Variants in PML observed in about 807,000 individuals in gnomAD.
PML encodes the protein PML nuclear body scaffold.
PML carries 28 observed loss-of-function variants against 65.2 expected under a neutral mutation model. That is an observed-to-expected ratio of 0.43 (90% CI 0.32 to 0.59). The LOEUF (loss-of-function observed/expected upper bound fraction) is 0.59, where lower values mean the gene tolerates loss of function less well. Among genes scored for constraint, PML ranks in the 20% least tolerant of loss-of-function variants. The probability of loss-of-function intolerance (pLI) is 0.08; values close to 1 mark genes in which losing one functional copy is unlikely to be tolerated. For missense variants in PML, 1,021 were observed against 1,203.4 expected, an observed-to-expected ratio of 0.85 and a Z score of 2.24; for synonymous variants, 500 against 508.8, an observed-to-expected ratio of 0.98 and a Z score of 0.23.
rs1437309164 is a variant in PML at position 74,022,798 on chromosome 15, C to T, written c.603-30C>T. 4.4e-6 allele frequency: 7 copies of T among 1,600,140 alleles called. No individual in the cohort carries two copies. The African/African-American group carries it at 6.7e-5, about 15-fold the overall frequency. On this transcript the variant is annotated intron_variant, in intron 2 of 8. Coordinates refer to ENST00000268058, the MANE Select transcript of PML (RefSeq NM_033238.3). ...TTAAGAGGAAAAAGTCAGGAGAGTC[C>T]TAACCCAGGCCAACCTTGTGTGTCC...
Position 73,998,126 on chromosome 15 carries a change from G to A in PML, c.252G>A (p.Ser84=), listed in dbSNP as rs369958078. The change falls in exon 2 of 9, where the codon TCG becomes TCA. Residue 84 remains serine, a synonymous_variant. Coordinates refer to ENST00000268058, the MANE Select transcript of PML (RefSeq NM_033238.3). ...HTLCSGCLEA[S]GMQCPICQAP... is the part of the protein sequence containing the mutation. ...TGTGCTCAGGATGCCTGGAGGCGTC[G>A]GGCATGCAGTGCCCCATCTGCCAGG... 57 of 1,613,930 alleles carry A rather than the reference G, an allele frequency of 3.5e-5. No homozygotes were observed. The highest frequency in any genetic ancestry group is 4.7e-5 in the Non-Finnish European group (56 of 1,180,032).
At chr15:74,009,643 A>G (rs2070227433) in intron 2 of PML, among the ~76,000 whole-genome samples, 1 of 152,262 alleles carries the variant, frequency 6.6e-6, no homozygotes, top group African/African-American at 2.4e-5. Context: ...CAGTGTCTTG[A>G]TCTGACACCC....
chr15:74,032,307 G>T (rs767980365), intron 4 of PML: 64 of 521,932 alleles, frequency 1.2e-4, no homozygotes, highest in Non-Finnish European at 1.7e-4. Context: ...TGAAACAGGA[G>T]AATTGCTCAA....
chr15:74,034,931 A>G, intron 7 of PML: 1 of 1,445,780 alleles, frequency 6.9e-7, no homozygotes, highest in Non-Finnish European at 9.0e-7. Context: ...GCCACAGGGC[A>G]GCTATATAGG....
chr15:74,002,238 TCA>T (rs1286541761), intron 2 of PML, among the ~76,000 whole-genome samples: 1 of 151,994 alleles, frequency 6.6e-6, no homozygotes, highest in African/African-American at 2.4e-5. Context: ...TTCCTTGGAC[TCA>T]CATATTCCTA....
intron 2 of PML, among the ~76,000 whole-genome samples, chr15:74,000,128 G>A (rs1192962444): frequency 6.6e-6 from 1 of 151,966 alleles, no homozygotes; most frequent in East Asian, 1.9e-4. Flanking sequence ...ACCATGCCCA[G>A]CCTTATACTA....
At position 74,035,817 on chromosome 15, in the gene PML, T is replaced by C. The variant is rs2071533884; in HGVS notation, c.1710+1287T>C. The C allele has an allele frequency of 6.2e-7, 1 of 1,614,004 alleles. No homozygotes were observed. Among genetic ancestry groups the C allele is most frequent in the Non-Finnish European group, 8.5e-7 (1 of 1,179,984 alleles). On this transcript the variant is annotated intron_variant, in intron 7 of 8. Transcript: ENST00000268058. The surrounding 1 kb of genome is among the most constrained non-coding windows in gnomAD (Gnocchi z 4.1). ...TGGAGCAGGTGTTCCCCCTGGGGAC[T>C]CTGTCAGAGGCTCCATGGAGGCCTC...
At chr15:74,033,088 G>A (rs1363233579) in intron 5 of PML, 68 bp from the exon 6 acceptor site, 21 of 1,579,256 alleles carry the variant, frequency 1.3e-5, no homozygotes, top group Admixed American at 6.7e-5. Context: ...GTCCCTGGCA[G>A]TCAGGGCAGG....
intron 2 of PML, among the ~76,000 whole-genome samples, chr15:74,003,257 C>T (rs952702936): frequency 2.0e-5 from 3 of 152,144 alleles, no homozygotes; most frequent in Non-Finnish European, 4.4e-5. Context: ...CATGGTGAAA[C>T]CTCGTCTCTA....
rs553424812 is a variant in PML at position 74,036,256 on chromosome 15, G to A, written c.1710+1726G>A. 6.7e-6 allele frequency: 10 copies of A among 1,496,676 alleles called. No homozygotes were observed. The South Asian group carries it at 1.0e-4, about 16-fold the overall frequency. 92.7% of individuals were successfully genotyped at this position (1,496,676 alleles called of 1,614,324 possible). Reference sequence around the variant, plus strand: ...CTGTATTCTGAGTCCCTGGCCAATAGCACAGCCTTCCATGCCCCGACCCCC... The same window carrying A: ...CTGTATTCTGAGTCCCTGGCCAATAACACAGCCTTCCATGCCCCGACCCCC... On this transcript the variant is annotated intron_variant, in intron 7 of 8. Transcript: ENST00000268058.
chr15:73,996,186 A>G (rs1034823982), intron 1 of PML, among the ~76,000 whole-genome samples: 12 of 152,234 alleles, frequency 7.9e-5, no homozygotes, highest in African/African-American at 2.9e-4. Flanking sequence ...ATCTATTTCC[A>G]GAACTTTTTC....
chr15:74,044,449 T>A lies in PML; in HGVS notation c.2090T>A (p.Leu697Gln). Residue 697 changes from leucine (L) to glutamine (Q), a missense_variant, in exon 9 of 9, where the codon CTG (leucine) becomes CAG (glutamine). By Grantham distance (113) the Leu-to-Gln change is moderately radical. Coordinates refer to ENST00000268058, the MANE Select transcript of PML (RefSeq NM_033238.3). ...FFRALEDINR[L>Q]WEFQEAISGF... ...CGGGCCCTGGAGGACATTAACAGGCTGTGGGAATTCCAGGAGGCCATCTCG... is the reference window on the plus strand; with the variant it reads ...CGGGCCCTGGAGGACATTAACAGGCAGTGGGAATTCCAGGAGGCCATCTCG... The A allele has an allele frequency of 6.2e-7, 1 of 1,614,172 alleles. No individual in the cohort carries two copies.
At chr15:74,030,581 C>T (rs183034609) in intron 4 of PML, among the ~76,000 whole-genome samples, 27 of 152,138 alleles carry the variant, frequency 1.8e-4, no homozygotes, top group Middle Eastern at 3.4e-3. Flanking sequence ...CCCAGAAAGC[C>T]GAGGTTGCAG....
intron 2 of PML, among the ~76,000 whole-genome samples, chr15:74,009,021 T>A (rs184356219): frequency 6.6e-6 from 1 of 151,950 alleles, no homozygotes; most frequent in African/African-American, 2.4e-5. Flanking sequence ...TAGGTCCAGG[T>A]GGGGGTGAGG....
intron 1 of PML, among the ~76,000 whole-genome samples, chr15:73,996,826 T>C (rs1366529280): frequency 6.6e-6 from 1 of 152,218 alleles, no homozygotes; most frequent in East Asian, 1.9e-4. Context: ...ACTTCTAATC[T>C]ACCTTCTGTC....
chr15:74,036,101 A>C, intron 7 of PML: 2 of 1,613,462 alleles, frequency 1.2e-6, no homozygotes, highest in African/African-American at 1.3e-5. Context: ...ATGGCTATGC[A>C]TGGACCTCTG....
rs746695417 is a variant in PML at position 74,037,367 on chromosome 15, C to T, written c.1710+2837C>T. On this transcript the variant is annotated intron_variant, in intron 7 of 8. Transcript: ENST00000268058. The surrounding 1 kb of genome is among the most constrained non-coding windows in gnomAD (Gnocchi z 4.2). ...GGGATGTCCACCTGCCTCCAGGACT[C>T]ACCCTGTGTCCTGGCCCCAGCCCTT... 5.4e-5 allele frequency: 53 copies of T among 985,302 alleles called. No homozygotes were observed. Among genetic ancestry groups the T allele is most frequent in the Admixed American group, 6.1e-5 (1 of 16,278 alleles). 61.0% of individuals were successfully genotyped at this position (985,302 alleles called of 1,614,324 possible).
At chr15:74,010,572 A>T (rs897116310) in intron 2 of PML, among the ~76,000 whole-genome samples, 1 of 151,900 alleles carries the variant, frequency 6.6e-6, no homozygotes, top group Non-Finnish European at 1.5e-5. Context: ...TTGCTAACTG[A>T]TAAAATTAAA....
chr15:74,044,732 C>G lies in PML; in HGVS notation c.2373C>G (p.Pro791=), dbSNP rs61751124. ...CCCTGGTGCAGGCAGCTGTGCTGCC[C>G]CGGGCTGAGGCCCGCCTCCTGGCCC... ...LQPLVQAAVL[P]RAEARLLALH... The change falls in exon 9 of 9, where the codon CCC becomes CCG. Residue 791 remains proline, a synonymous_variant. Coordinates refer to ENST00000268058, the MANE Select transcript of PML (RefSeq NM_033238.3). 5.5e-3 allele frequency: 8,793 copies of G among 1,610,334 alleles called. 29 individuals are homozygous for G. Among genetic ancestry groups the G allele is most frequent in the Non-Finnish European group, 6.8e-3 (7,987 of 1,179,948 alleles).
Sources: gnomAD v4.1 joint callset for allele counts (sites outside exome capture counted in the v4.1 genomes callset) on GRCh38, gnomAD v4.1.1 for gene constraint, Gnocchi (gnomAD v3.1) non-coding constraint, MANE v1.5 for transcripts, NCBI Gene and HGNC (gene_info 2026-07-23, HGNC 2026-07-21) for gene names.